Variants in ERMP1 observed in about 807,000 individuals in gnomAD.
The protein encoded by ERMP1 is endoplasmic reticulum metallopeptidase 1, also known as Felix-ina.
Under a neutral mutation model 92.0 loss-of-function variants are expected in ERMP1, and 86 were observed. That is an observed-to-expected ratio of 0.93 (90% CI 0.79 to 1.12). The LOEUF (loss-of-function observed/expected upper bound fraction) is 1.12. ERMP1 is among the 50% of genes most tolerant of loss of function. ERMP1 has a pLI of 0.00. For synonymous variants in ERMP1, 530 were observed against 412.8 expected, an observed-to-expected ratio of 1.28 and a Z score of -3.44; for missense variants, 1,342 against 1,116.3, an observed-to-expected ratio of 1.20 and a Z score of -2.88.
At position 5,798,828 on chromosome 9, in the gene ERMP1, G is replaced by T; in HGVS notation, c.2248C>A (p.Leu750Ile). The change falls in exon 12 of 15, where the codon CTT becomes ATT. Residue 750 changes from leucine (L) to isoleucine (I), a missense_variant. By Grantham distance (5) the Leu-to-Ile change is conservative. Coordinates refer to ENST00000339450, the MANE Select transcript of ERMP1 (RefSeq NM_024896.3). The part of the protein sequence containing the change: ...NAPLCGFPWY[L>I]PVHFLIRKNW... ...AACCTGATCAGAAAGTGCACTGGAAGATACCAAGGAAAACCACAAAGAGGT... is the reference window on the plus strand; with the variant it reads ...AACCTGATCAGAAAGTGCACTGGAATATACCAAGGAAAACCACAAAGAGGT... 3 of 1,613,494 alleles carry T rather than the reference G, an allele frequency of 1.9e-6. 1 individual carries two copies. The highest frequency in any genetic ancestry group is 2.5e-6 in the Non-Finnish European group (3 of 1,179,514).
intron 1 of ERMP1, among the ~76,000 whole-genome samples, chr9:5,832,192 G>A (rs900516056): frequency 7.2e-5 from 11 of 152,116 alleles, no homozygotes; most frequent in African/African-American, 2.7e-4. Flanking sequence ...AATTTTGACT[G>A]GGCGGTGTTC....
chr9:5,821,156 A>G (rs371309166), intron 4 of ERMP1, among the ~76,000 whole-genome samples: 2 of 152,250 alleles, frequency 1.3e-5, no homozygotes, highest in Non-Finnish European at 1.5e-5. Context: ...AACCAGTCAT[A>G]AATCTGTTTT....
At position 5,832,739 on chromosome 9, in the gene ERMP1, G is replaced by C; in HGVS notation, c.289C>G (p.Leu97Val). ...CCGCGGTGTCCAGCGGCCCCGCGTA[G>C]CACGAGCTGCTGCAGCGAGAGCTGC... ...LVQLSLQQLV[L>V]RGAAGHRGEF... Residue 97 changes from leucine (L) to valine (V), a missense_variant, in exon 1 of 15, where the codon CTA becomes GTA. Leu to Val is a conservative substitution (Grantham distance 32, BLOSUM62 1). Transcript: ENST00000339450. The C allele has an allele frequency of 6.7e-7, 1 of 1,496,980 alleles. No individual in the cohort carries two copies. The highest frequency in any genetic ancestry group is 2.2e-5 in the Admixed American group (1 of 45,822). 92.7% of individuals were successfully genotyped at this position (1,496,980 alleles called of 1,614,324 possible).
At chr9:5,823,858 G>C in intron 4 of ERMP1, 38 bp downstream of exon 4, 2 of 1,376,208 alleles carry the variant, frequency 1.5e-6, no homozygotes, top group Non-Finnish European at 2.0e-6. Context: ...ACAAAAACTA[G>C]AATTGCATTA....
intron 4 of ERMP1, among the ~76,000 whole-genome samples, chr9:5,821,300 C>A (rs1041887369): frequency 6.6e-6 from 1 of 152,146 alleles, no homozygotes; most frequent in Admixed American, 6.5e-5. Flanking sequence ...TGTTGTTTTA[C>A]CTTTAACCTA....
intron 13 of ERMP1, among the ~76,000 whole-genome samples, chr9:5,791,615 C>T (rs1372952487): frequency 2.6e-5 from 4 of 152,178 alleles, no homozygotes; most frequent in African/African-American, 9.7e-5. Flanking sequence ...CTTTTTAAAA[C>T]ACCTCACAAG....
intron 6 of ERMP1, among the ~76,000 whole-genome samples, chr9:5,854,668 G>T (rs1174073082): frequency 6.6e-6 from 1 of 152,098 alleles, no homozygotes; most frequent in Non-Finnish European, 1.5e-5. Flanking sequence ...TGGGACTACA[G>T]GCGTGCGTCA....
Position 5,821,205 on chromosome 9 carries a change from T to C in ERMP1, c.874+2691A>G, listed in dbSNP as rs539280339. On this transcript the variant is annotated intron_variant, in intron 4 of 14. Coordinates refer to ENST00000339450, the MANE Select transcript of ERMP1 (RefSeq NM_024896.3). ...AAAGTGATCATATACATTGCAAAAA[T>C]TTAAATACATAAAATTATAGAAAGT... 3.3e-5 allele frequency among the ~76,000 whole-genome samples: 5 copies of C among 152,326 alleles called. No homozygotes were observed. In the East Asian group the frequency reaches 7.7e-4, roughly 23 times the overall value.
At chr9:5,809,110 C>T (rs1349683094) in intron 8 of ERMP1, among the ~76,000 whole-genome samples, 3 of 152,164 alleles carry the variant, frequency 2.0e-5, no homozygotes, top group Non-Finnish European at 4.4e-5. Flanking sequence ...CAGGCTCCGC[C>T]TCCCGGGTTC....
intron 13 of ERMP1, among the ~76,000 whole-genome samples, chr9:5,788,526 T>G (rs1266103351): frequency 6.6e-6 from 1 of 152,056 alleles, no homozygotes; most frequent in South Asian, 2.1e-4. Flanking sequence ...TTGAAAGAGA[T>G]AAATATTATT....
intron 13 of ERMP1, among the ~76,000 whole-genome samples, chr9:5,793,355 A>G (rs1049614404): frequency 2.6e-5 from 4 of 152,168 alleles, no homozygotes; most frequent in East Asian, 1.9e-4. Context: ...AAACTACTAA[A>G]GGCAGAAAAA....
At chr9:5,851,769 A>C (rs183995746) in intron 6 of ERMP1, among the ~76,000 whole-genome samples, 1 of 152,320 alleles carries the variant, frequency 6.6e-6, no homozygotes, top group African/African-American at 2.4e-5. Context: ...TCACACACAT[A>C]CACCCCACAA....
Position 5,785,188 on chromosome 9 carries a change from G to A in ERMP1, c.*1956C>T, listed in dbSNP as rs1827885141. Reference sequence around the variant, plus strand: ...AACAAAAGACAATGGTTTACACAGGGAAATAACCCTAAGGCAATATGAAAA... The same window carrying A: ...AACAAAAGACAATGGTTTACACAGGAAAATAACCCTAAGGCAATATGAAAA... On this transcript the variant is annotated 3_prime_UTR_variant, in exon 15 of 15. Transcript: ENST00000339450. The A allele has an allele frequency of 6.6e-6, 1 of 152,018 alleles. No individual in the cohort carries two copies. Among genetic ancestry groups the A allele is most frequent in the South Asian group, 2.1e-4 (1 of 4,824 alleles). The allele number at this position is 152,018 out of a possible 1,614,324, so 9.4% of individuals were successfully genotyped here. A position where few individuals can be genotyped will look rare whatever the true frequency, so the allele number is the denominator to read the frequency against.
chr9:5,823,382 A>C (rs1485419196), intron 4 of ERMP1, among the ~76,000 whole-genome samples: 1 of 152,242 alleles, frequency 6.6e-6, no homozygotes. Flanking sequence ...CATACACTAC[A>C]GGTAAATTTT....
At chr9:5,853,130 T>G (rs1289678424) in intron 6 of ERMP1, among the ~76,000 whole-genome samples, 1 of 152,196 alleles carries the variant, frequency 6.6e-6, no homozygotes, top group Non-Finnish European at 1.5e-5. Flanking sequence ...GTTGCTTTAG[T>G]AAGGTGTCTT....
chr9:5,846,926 A>G (rs931870689), intron 6 of ERMP1, among the ~76,000 whole-genome samples: 1 of 152,188 alleles, frequency 6.6e-6, no homozygotes, highest in Non-Finnish European at 1.5e-5. Flanking sequence ...CTGAATGGGT[A>G]TGCTGCAGAG....
chr9:5,805,489 A>G, intron 9 of ERMP1, 122 bp downstream of exon 9: 1 of 840,892 alleles, frequency 1.2e-6, no homozygotes, highest in Non-Finnish European at 1.8e-6. Context: ...TGTGGTATGA[A>G]AACTTTTAAA....
chr9:5,806,290 T>C (rs999294431), intron 8 of ERMP1, among the ~76,000 whole-genome samples: 1 of 152,228 alleles, frequency 6.6e-6, no homozygotes, highest in Non-Finnish European at 1.5e-5. Context: ...CCAGTTGGTC[T>C]TGTACTGCAC....
chr9:5,806,953 G>A (rs929058716), intron 8 of ERMP1, among the ~76,000 whole-genome samples: 2 of 152,170 alleles, frequency 1.3e-5, no homozygotes, highest in Non-Finnish European at 2.9e-5. Flanking sequence ...AACAATGAAA[G>A]ATAGGCTACA....
Sources: allele counts gnomAD v4.1 joint callset (sites outside exome capture counted in the v4.1 genomes callset), GRCh38; gene constraint gnomAD v4.1.1; transcripts MANE v1.5; gene names NCBI Gene and HGNC (gene_info 2026-07-23, HGNC 2026-07-21).